SEMA6C: variants seen among roughly 807,000 people sequenced by gnomAD.
SEMA6C encodes semaphorin-6C.
In SEMA6C, 37 loss-of-function variants were observed where a neutral mutation model predicts 72.9. The ratio of observed to expected loss-of-function variants is 0.51; its 90% CI spans 0.39 to 0.67. SEMA6C has a LOEUF of 0.67. Among genes scored for constraint, SEMA6C ranks in the 30% least tolerant of loss-of-function variants. The pLI is 0.00. For missense variants in SEMA6C, 1,189 were observed against 1,263.6 expected (o/e 0.94, Z 0.89); for synonymous variants, 578 against 554.1 (o/e 1.04, Z -0.61).
rs1681587845 is a variant in SEMA6C, at chr1:151,132,213, G to A, written c.*271C>T. The A allele has an allele frequency of 6.7e-7, 1 of 1,493,924 alleles. No homozygotes were observed. The highest frequency in any genetic ancestry group is 8.9e-7 in the Non-Finnish European group (1 of 1,120,790). 92.5% of individuals were successfully genotyped at this position (1,493,924 alleles called of 1,614,324 possible). Reference sequence around the variant, plus strand: ...AGGGGCGAGTTAAGGCAGCTTGGCTGGAAGGGAGCGGGGAGTGGGAGTCCG... The same window carrying A: ...AGGGGCGAGTTAAGGCAGCTTGGCTAGAAGGGAGCGGGGAGTGGGAGTCCG... On this transcript the variant is annotated 3_prime_UTR_variant, in exon 19 of 19. Transcript: ENST00000368914.
rs1417982566 is a variant in SEMA6C at position 151,134,433 on chromosome 1, C to T, written c.1727G>A (p.Gly576Glu). Residue 576 changes from glycine (G) to glutamate (E), a missense_variant, in exon 18 of 19, where the codon GGG becomes GAG. Physicochemically the swap from Gly to Glu is moderately conservative, Grantham distance 98 (BLOSUM62 -2). Coordinates refer to ENST00000368914, the MANE Select transcript of SEMA6C (RefSeq NM_030913.6). ...AGAATCCCCAGGGCCAGACTGACTC[C>T]CAGTAGCTCCATCTATGAAGAAGGG... ...EHGDCQDGAT[G>E]SQSGPGDSAY... The T allele has an allele frequency of 6.3e-7, 1 of 1,599,730 alleles. No homozygotes were observed. The highest frequency in any genetic ancestry group is 2.3e-5 in the East Asian group (1 of 44,156).
At chr1:151,134,003 G>A (rs1196708180) in intron 18 of SEMA6C, 16 of 931,798 alleles carry the variant, frequency 1.7e-5, no homozygotes, top group South Asian at 2.8e-5. Flanking sequence ...GCCGGGGGTG[G>A]GCATCACTGG....
At position 151,138,346 on chromosome 1, in the gene SEMA6C, C is replaced by T. The variant is rs778800429; in HGVS notation, c.517G>A (p.Ala173Thr). Residue 173 changes from alanine (A) to threonine (T), a missense_variant, in exon 8 of 19, where the codon GCC becomes ACC. Physicochemically the swap from Ala to Thr is moderately conservative, Grantham distance 58. This residue lies in a region of SEMA6C where 468 missense variants were observed against 577.4 expected (regional missense o/e 0.81). Coordinates refer to ENST00000368914, the MANE Select transcript of SEMA6C (RefSeq NM_030913.6). Reference sequence around the variant, plus strand: ...AAGATGGCCACGTTGGACTGGGTGGCATCAAAGGGGCATCGAGCCTGCCCA... The same window carrying T: ...AAGATGGCCACGTTGGACTGGGTGGTATCAAAGGGGCATCGAGCCTGCCCA... ...LSGQARCPFD[A>T]TQSNVAIFAE... 4 of 1,614,048 alleles carry T rather than the reference C, an allele frequency of 2.5e-6. No homozygotes were observed. Among genetic ancestry groups the T allele is most frequent in the Non-Finnish European group, 3.4e-6 (4 of 1,179,952 alleles).
At position 151,133,875 on chromosome 1, in the gene SEMA6C, A is replaced by G. The variant is rs1466614666; in HGVS notation, c.1760-358T>C. 1 of 1,217,274 alleles carries G rather than the reference A, an allele frequency of 8.2e-7. No homozygotes were observed. Among genetic ancestry groups the G allele is most frequent in the Non-Finnish European group, 1.2e-6 (1 of 855,388 alleles). The allele number at this position is 1,217,274 out of a possible 1,614,324, so 75.4% of individuals were successfully genotyped here. On this transcript the variant is annotated intron_variant, in intron 18 of 18. Transcript: ENST00000368914. The surrounding 1 kb of genome is among the most constrained non-coding windows in gnomAD (Gnocchi z 5.9). ...TCCAAACAGGCGTTAGTGAGCACCA[A>G]ACACCATTCAGTGAGGGGCTTAGAA...
rs745676304 is a variant in SEMA6C at position 151,136,601 on chromosome 1, C to T, written c.975-22G>A. On this transcript the variant is annotated intron_variant, in intron 11 of 18. Coordinates refer to ENST00000368914, the MANE Select transcript of SEMA6C (RefSeq NM_030913.6). Reference sequence around the variant, plus strand: ...GATGCTGGAGGAGCCAGAAAAGATGCAGGATAGGTGCTGAAAGGAACTGCA... The same window carrying T: ...GATGCTGGAGGAGCCAGAAAAGATGTAGGATAGGTGCTGAAAGGAACTGCA... The T allele has an allele frequency of 3.7e-6, 6 of 1,613,328 alleles. No homozygotes were observed. The South Asian group carries it at 6.6e-5, about 18-fold the overall frequency.
In SEMA6C at chr1:151,134,883, A is replaced by G; in HGVS notation, c.1581-8T>C. 6.2e-7 allele frequency: 1 copy of G among 1,612,560 alleles called. No individual in the cohort carries two copies. Among genetic ancestry groups the G allele is most frequent in the Non-Finnish European group, 8.5e-7 (1 of 1,178,556 alleles). On this transcript the variant is annotated splice_polypyrimidine_tract_variant and splice_region_variant and intron_variant, in intron 15 of 18. Coordinates refer to ENST00000368914, the MANE Select transcript of SEMA6C (RefSeq NM_030913.6). ...TGAGAAGCCAAACAGCTCCTAGGGA[A>G]AACGGAGGTGTGTGAGGCTGGATCC...
Position 151,136,537 on chromosome 1 carries a change from A to G in SEMA6C, c.1017T>C (p.Ile339=). The part of the protein sequence containing the change: ...SAVCAFYLDE[I]ERGFEGKFKE... ...TGAACTTGCCCTCAAACCCACGCTC[A>G]ATCTCATCCAGGTAGAAGGCGCAGA... Residue 339 remains isoleucine, a synonymous_variant, in exon 12 of 19, where the codon ATT becomes ATC. Transcript: ENST00000368914. The G allele has an allele frequency of 6.2e-7, 1 of 1,614,106 alleles. No homozygotes were observed. The highest frequency in any genetic ancestry group is 8.5e-7 in the Non-Finnish European group (1 of 1,179,998).
chr1:151,135,204 G>A lies in SEMA6C; in HGVS notation c.1539C>T (p.Tyr513=). ...LFVAFSGCIV[Y]LPLSRCARHG... is the part of the protein sequence containing the mutation. ...GCCGGGCACACCGGCTGAGAGGGAG[G>A]TAGACAATACAGCCAGAAAAAGCCA... The change falls in exon 15 of 19, where the codon TAC becomes TAT. Residue 513 remains tyrosine (Y), a synonymous_variant. Coordinates refer to ENST00000368914, the MANE Select transcript of SEMA6C (RefSeq NM_030913.6). 1.2e-6 allele frequency: 2 copies of A among 1,614,118 alleles called. No homozygotes were observed. The highest frequency in any genetic ancestry group is 1.7e-6 in the Non-Finnish European group (2 of 1,179,986).
rs910030802 is a variant in SEMA6C, at chr1:151,132,366, C to G, written c.*118G>C. On this transcript the variant is annotated 3_prime_UTR_variant, in exon 19 of 19. Coordinates refer to ENST00000368914, the MANE Select transcript of SEMA6C (RefSeq NM_030913.6). Reference sequence around the variant, plus strand: ...CGAAAAGGGGCCTCGGGAGACTCTGCGAGTCGGGAAGGCTGGAGGTGCGGG... The same window carrying G: ...CGAAAAGGGGCCTCGGGAGACTCTGGGAGTCGGGAAGGCTGGAGGTGCGGG... 8.5e-6 allele frequency: 13 copies of G among 1,532,798 alleles called. 1 individual carries two copies. Among genetic ancestry groups the G allele is most frequent in the South Asian group, 3.7e-5 (3 of 81,838 alleles). 94.9% of individuals were successfully genotyped at this position (1,532,798 alleles called of 1,614,324 possible).
At chr1:151,138,600 C>T (rs1682259987) in intron 7 of SEMA6C, 30 bp downstream of exon 7, 5 of 1,601,146 alleles carry the variant, frequency 3.1e-6, no homozygotes, top group Middle Eastern at 1.7e-4. Context: ...CCCCCAACTC[C>T]CATCCTAACC....
At chr1:151,141,374 A>C (rs1175329590) in intron 3 of SEMA6C, among the ~76,000 whole-genome samples, 1 of 152,188 alleles carries the variant, frequency 6.6e-6, no homozygotes, top group Non-Finnish European at 1.5e-5. Context: ...GTATAACCTC[A>C]TTTAATCCCT....
At position 151,137,030 on chromosome 1, in the gene SEMA6C, G is replaced by T; in HGVS notation, c.801C>A (p.Gly267=). 2 of 1,613,922 alleles carry T rather than the reference G, an allele frequency of 1.2e-6. No individual in the cohort carries two copies. Among genetic ancestry groups the T allele is most frequent in the South Asian group, 2.2e-5 (2 of 91,068 alleles). Residue 267 remains glycine, a synonymous_variant, in exon 11 of 19, where the codon GGC becomes GGA. Transcript: ENST00000368914. ...RVARVCKRDM[G]GSPRALDRHW... is the part of the protein sequence containing the mutation. ...GGCGGTCCAAGGCCCGAGGCGAGCC[G>T]CCCATGTCACGTTTACATACTCGGG...
chr1:151,136,704 TG>T, intron 11 of SEMA6C, 125 bp from the exon 12 acceptor site: 1 of 1,390,538 alleles, frequency 7.2e-7, no homozygotes, highest in Non-Finnish European at 9.9e-7. Flanking sequence ...GGGCAGCCAC[TG>T]GGTGCCACAC....
Position 151,133,412 on chromosome 1 carries a change from C to A in SEMA6C, c.1865G>T (p.Gly622Val). Residue 622 changes from glycine (G) to valine (V), a missense_variant, in exon 19 of 19, where the codon GGC (glycine) becomes GTC (valine). By Grantham distance (109) the Gly-to-Val change is moderately radical. Transcript: ENST00000368914. This position sits in a 1 kb window ranked among gnomAD's most constrained non-coding sequence, Gnocchi z 5.9. Reference sequence around the variant, plus strand: ...GCGACAAGCACAGGAGACCAGGAGGCCAGAGACTGAGGCGCCCAGGGCAAA... The same window carrying A: ...GCGACAAGCACAGGAGACCAGGAGGACAGAGACTGAGGCGCCCAGGGCAAA... ...AAFALGASVSGLLVSCACRRA... is the reference protein window; with the variant it reads ...AAFALGASVSVLLVSCACRRA... The A allele has an allele frequency of 1.3e-6, 2 of 1,594,846 alleles. No individual in the cohort carries two copies. The highest frequency in any genetic ancestry group is 1.7e-6 in the Non-Finnish European group (2 of 1,173,844).
In SEMA6C at chr1:151,133,344, G is replaced by T; in HGVS notation, c.1933C>A (p.Leu645Ile). ...RRGKDIETPG[L>I]PRPLSLRSLA... ...CTGCGGAGGGAGAGAGGGCGCGGGA[G>T]CCCCGGAGTCTCGATGTCCTTGCCC... is the stretch of plus-strand genomic sequence containing the variant. The change falls in exon 19 of 19, where the codon CTC (leucine) becomes ATC (isoleucine). Residue 645 changes from leucine (L) to isoleucine (I), a missense_variant. Transcript: ENST00000368914. This position sits in a 1 kb window ranked among gnomAD's most constrained non-coding sequence, Gnocchi z 5.9. 1 of 1,597,868 alleles carries T rather than the reference G, an allele frequency of 6.3e-7. No homozygotes were observed. The highest frequency in any genetic ancestry group is 8.5e-7 in the Non-Finnish European group (1 of 1,174,570).
At chr1:151,139,555 T>C in intron 5 of SEMA6C, 74 bp from the exon 6 acceptor site, 2 of 1,604,608 alleles carry the variant, frequency 1.2e-6, no homozygotes, top group Non-Finnish European at 1.7e-6. Flanking sequence ...CCTTTTAGAT[T>C]CTTCTTCCCA....
Position 151,142,684 on chromosome 1 carries a change from G to A in SEMA6C, c.-54-9C>T, listed in dbSNP as rs1682648425. 7.1e-7 allele frequency: 1 copy of A among 1,418,166 alleles called. No homozygotes were observed. The allele number at this position is 1,418,166 out of a possible 1,614,324, so 87.8% of individuals were successfully genotyped here. A position where few individuals can be genotyped will look rare whatever the true frequency, so the allele number is the denominator to read the frequency against. On this transcript the variant is annotated splice_polypyrimidine_tract_variant and intron_variant, in intron 2 of 18. Transcript: ENST00000368914. Reference sequence around the variant, plus strand: ...TCACCCATAAGCCGGCCCTGAAAGGGGAGACAGGGAAAAGTGGGGGAGGAG... The same window carrying A: ...TCACCCATAAGCCGGCCCTGAAAGGAGAGACAGGGAAAAGTGGGGGAGGAG...
chr1:151,135,849 G>A, intron 13 of SEMA6C, 85 bp from the exon 14 acceptor site: 1 of 1,526,934 alleles, frequency 6.5e-7, no homozygotes. Context: ...TGGTAGCTGT[G>A]CCTGTGCCCT....
chr1:151,138,481 C>A, intron 7 of SEMA6C, 75 bp from the exon 8 acceptor site: 1 of 1,472,386 alleles, frequency 6.8e-7, no homozygotes. Context: ...TCCCTCCTGT[C>A]CCGTTGCCTC....
Sources: allele counts gnomAD v4.1 joint callset (sites outside exome capture counted in the v4.1 genomes callset), GRCh38; gene constraint gnomAD v4.1.1; regional missense constraint gnomAD v4.1.1; non-coding constraint Gnocchi (gnomAD v3.1); transcripts MANE v1.5; gene names NCBI Gene and HGNC (gene_info 2026-07-23, HGNC 2026-07-21).